ABCA3: variants seen among roughly 807,000 people sequenced by gnomAD.
The protein encoded by ABCA3 is phospholipid-transporting ATPase ABCA3.
Under a neutral mutation model 172.8 loss-of-function variants are expected in ABCA3, and 88 were observed. That is an observed-to-expected ratio of 0.51 (90% CI 0.43 to 0.61). The LOEUF (loss-of-function observed/expected upper bound fraction) is 0.61, where lower values mean the gene tolerates loss of function less well. Ranked by LOEUF, ABCA3 falls within the 20% of genes least tolerant of loss-of-function variation. ABCA3 has a pLI of 0.00. For synonymous variants in ABCA3, 1,066 were observed against 983.8 expected (o/e 1.08, Z -1.56); for missense variants, 2,164 against 2,301.0 (o/e 0.94, Z 1.22).
At chr16:2,333,657 G>T (rs2141750128) in intron 1 of ABCA3, among the ~76,000 whole-genome samples, 1 of 152,128 alleles carries the variant, frequency 6.6e-6, no homozygotes, top group Non-Finnish European at 1.5e-5. Context: ...ACTTGTACAA[G>T]GTACTAAGGA....
In ABCA3 at chr16:2,281,455, C is replaced by T. The variant is rs1413175771; in HGVS notation, c.4090G>A (p.Glu1364Lys). The change falls in exon 27 of 33, where the codon GAG (glutamate) becomes AAG (lysine). Residue 1364 changes from glutamate to lysine, a missense_variant. Physicochemically the swap from Glu to Lys is moderately conservative, Grantham distance 56. This residue lies in a region of ABCA3 where 795 missense variants were observed against 881.9 expected (regional missense o/e 0.90). Coordinates refer to ENST00000301732, the MANE Select transcript of ABCA3 (RefSeq NM_001089.3). The surrounding 1 kb of genome is among the most constrained non-coding windows in gnomAD (Gnocchi z 4.7). The stretch of plus-strand genomic sequence containing the variant: ...CTGGGGGCCAGGATGCGGGTCCTCT[C>T]GTCCGCTACATCTTGGTCCTCAGGA... Reference protein sequence around the residue: ...VLPEDQDVADERTRILAPSPD... With the variant: ...VLPEDQDVADKRTRILAPSPD... 2.5e-6 allele frequency: 4 copies of T among 1,613,576 alleles called. No individual in the cohort carries two copies. Among genetic ancestry groups the T allele is most frequent in the Non-Finnish European group, 3.4e-6 (4 of 1,180,008 alleles).
At position 2,279,898 on chromosome 16, in the gene ABCA3, C is replaced by T. The variant is rs1445855475; in HGVS notation, c.4360-768G>A. On this transcript the variant is annotated intron_variant, in intron 28 of 32. Coordinates refer to ENST00000301732, the MANE Select transcript of ABCA3 (RefSeq NM_001089.3). This position sits in a 1 kb window ranked among gnomAD's most constrained non-coding sequence, Gnocchi z 4.4. ...AGTAGCTAGGATTATAGGCACCTGC[C>T]ACCATGCCCTGCTAATTTTTGTATT... Among the ~76,000 whole-genome samples, 1 of 152,182 alleles carries T rather than the reference C, an allele frequency of 6.6e-6. No homozygotes were observed. The highest frequency in any genetic ancestry group is 1.9e-4 in the East Asian group (1 of 5,196).
At chr16:2,316,991 C>G (rs2093716930) in intron 10 of ABCA3, among the ~76,000 whole-genome samples, 2 of 152,242 alleles carry the variant, frequency 1.3e-5, no homozygotes, top group African/African-American at 4.8e-5. Flanking sequence ...GTAACTGTCA[C>G]CGCAAGGCTC....
In ABCA3 at chr16:2,288,266, C is replaced by A; in HGVS notation, c.2764G>T (p.Glu922Ter). The change falls in exon 21 of 33, where the codon GAG becomes TAG. Residue 922 changes from glutamate (E) to a stop codon, truncating the protein, a stop_gained. Transcript: ENST00000301732. LOFTEE classifies it high-confidence loss of function. Reference protein sequence around the residue: ...FLKKAAYSWREWKMVAAQVLV... With the variant: ...FLKKAAYSWR ...ACCTGTGCCGCCACCATTTTCCACTCGCGCCAGCTGTATGCGGCCTTCTTC... is the reference window on the plus strand; with the variant it reads ...ACCTGTGCCGCCACCATTTTCCACTAGCGCCAGCTGTATGCGGCCTTCTTC... The A allele has an allele frequency of 6.3e-7, 1 of 1,588,378 alleles. No homozygotes were observed. Among genetic ancestry groups the A allele is most frequent in the Non-Finnish European group, 8.6e-7 (1 of 1,167,770 alleles).
At position 2,297,642 on chromosome 16, in the gene ABCA3, G is replaced by A. The variant is rs1022440625; in HGVS notation, c.2053-103C>T. 28 of 1,588,140 alleles carry A rather than the reference G, an allele frequency of 1.8e-5. No individual in the cohort carries two copies. In the South Asian group the frequency reaches 2.1e-4, roughly 12 times the overall value. On this transcript the variant is annotated intron_variant, in intron 16 of 32. Coordinates refer to ENST00000301732, the MANE Select transcript of ABCA3 (RefSeq NM_001089.3). The surrounding 1 kb of genome is among the most constrained non-coding windows in gnomAD (Gnocchi z 5.6). Reference sequence around the variant, plus strand: ...CGAGGGGTTCGCGGAGCCGGCTTGAGTCCTCCAAGGATGGTGATGGCCTTG... The same window carrying A: ...CGAGGGGTTCGCGGAGCCGGCTTGAATCCTCCAAGGATGGTGATGGCCTTG...
intron 20 of ABCA3, among the ~76,000 whole-genome samples, chr16:2,288,897 G>A (rs1301765496): frequency 6.6e-6 from 1 of 152,012 alleles, no homozygotes; most frequent in East Asian, 1.9e-4. Flanking sequence ...GCCATCCCCT[G>A]CCCTCCCCCT....
Position 2,285,011 on chromosome 16 carries a change from A to G in ABCA3, c.3484-13T>C. 6.2e-7 allele frequency: 1 copy of G among 1,610,560 alleles called. No homozygotes were observed. The highest frequency in any genetic ancestry group is 8.5e-7 in the Non-Finnish European group (1 of 1,179,118). On this transcript the variant is annotated splice_polypyrimidine_tract_variant and intron_variant, in intron 23 of 32. Coordinates refer to ENST00000301732, the MANE Select transcript of ABCA3 (RefSeq NM_001089.3). The surrounding 1 kb of genome is among the most constrained non-coding windows in gnomAD (Gnocchi z 4.7). ...CCTTAAACACCACCTGCGGCGGCAC[A>G]GGGAGGCGCTGCTGTGCATGCCAAG...
chr16:2,337,689 G>T (rs2093754068), intron 1 of ABCA3, among the ~76,000 whole-genome samples: 1 of 152,182 alleles, frequency 6.6e-6, no homozygotes, highest in South Asian at 2.1e-4. Context: ...ACTGGCCAAG[G>T]CCAATTTATA....
intron 6 of ABCA3, 142 bp downstream of exon 6, chr16:2,324,262 C>A: frequency 7.9e-7 from 1 of 1,261,354 alleles, no homozygotes; most frequent in South Asian, 1.4e-5. Context: ...TTATCAGACC[C>A]AAAGGAGTGA....
chr16:2,289,229 G>A, intron 20 of ABCA3: 4 of 634,178 alleles, frequency 6.3e-6, no homozygotes, highest in Non-Finnish European at 1.1e-5. Flanking sequence ...CTGAGGTAGA[G>A]CATGAGAAAT....
intron 1 of ABCA3, among the ~76,000 whole-genome samples, chr16:2,331,048 G>GC (rs2093742383): frequency 6.6e-6 from 1 of 152,060 alleles, no homozygotes; most frequent in African/African-American, 2.4e-5. Context: ...TAACTTCCAA[G>GC]TCTGTCTTCT....
In ABCA3 at chr16:2,287,091, C is replaced by A; in HGVS notation, c.3005-124G>T. ...GCCAGCATCCTCTGAGCTGCCCGCC[C>A]CATCACCCTTCTCCTAAGGAGAGTA... On this transcript the variant is annotated intron_variant, in intron 21 of 32. Transcript: ENST00000301732. This position sits in a 1 kb window ranked among gnomAD's most constrained non-coding sequence, Gnocchi z 4.1. 1 of 1,083,422 alleles carries A rather than the reference C, an allele frequency of 9.2e-7. No individual in the cohort carries two copies. Among genetic ancestry groups the A allele is most frequent in the African/African-American group, 1.6e-5 (1 of 63,876 alleles). The allele number at this position is 1,083,422 out of a possible 1,614,324, so 67.1% of individuals were successfully genotyped here. A position where few individuals can be genotyped will look rare whatever the true frequency, so the allele number is the denominator to read the frequency against.
At position 2,280,115 on chromosome 16, in the gene ABCA3, ACT is replaced by A. The variant is rs145879113; in HGVS notation, c.4359+910_4359+911del. 1.1e-4 allele frequency among the ~76,000 whole-genome samples: 16 copies of A among 150,038 alleles called. No individual in the cohort carries two copies. The East Asian group carries it at 1.6e-3, about 15-fold the overall frequency. On this transcript the variant is annotated intron_variant, in intron 28 of 32. Coordinates refer to ENST00000301732, the MANE Select transcript of ABCA3 (RefSeq NM_001089.3). The stretch of plus-strand genomic sequence containing the variant: ...ACCTTTTTGGCTACTACCCCCTGCC[ACT>A]CTCTCTCTCTCTTCCTTCTGGAACT...
intron 10 of ABCA3, 29 bp from the exon 11 acceptor site, chr16:2,308,652 T>A: frequency 1.2e-6 from 2 of 1,612,446 alleles, no homozygotes; most frequent in South Asian, 2.2e-5. Context: ...CCGGGGGGCG[T>A]GAGCGTCAGT....
intron 1 of ABCA3, among the ~76,000 whole-genome samples, chr16:2,337,720 G>T (rs2093754106): frequency 6.6e-6 from 1 of 152,204 alleles, no homozygotes; most frequent in Non-Finnish European, 1.5e-5. Context: ...CCCTTGTGGG[G>T]ATGAGGTAGG....
intron 19 of ABCA3, 100 bp from the exon 20 acceptor site, chr16:2,289,720 G>A (rs1440138147): frequency 7.7e-7 from 1 of 1,306,780 alleles, no homozygotes; most frequent in Non-Finnish European, 1.1e-6. Flanking sequence ...TGTTGCCGCA[G>A]TCCTTGGCTT....
At position 2,277,606 on chromosome 16, in the gene ABCA3, G is replaced by C. The variant is rs746192378; in HGVS notation, c.4974C>G (p.Ser1658Arg). The change falls in exon 32 of 33, where the codon AGC (serine) becomes AGG (arginine). Residue 1658 changes from serine to arginine, a missense_variant. Ser to Arg is a moderately radical substitution (Grantham distance 110, BLOSUM62 -1). Transcript: ENST00000301732. This position sits in a 1 kb window ranked among gnomAD's most constrained non-coding sequence, Gnocchi z 5.3. ...CCAGGGACTGCCTCACCTTCGCCCA[G>C]CTGAGGTCACGGCCCGGCAGGTGGT... The part of the protein sequence containing the change: ...VHYHLPGRDL[S>R]WAKVFGILEK... 24 of 1,613,020 alleles carry C rather than the reference G, an allele frequency of 1.5e-5. No homozygotes were observed. Among genetic ancestry groups the C allele is most frequent in the South Asian group, 1.4e-4 (13 of 91,086 alleles).
chr16:2,336,911 T>G, intron 1 of ABCA3, among the ~76,000 whole-genome samples: 1 of 145,594 alleles, frequency 6.9e-6, no homozygotes, highest in South Asian at 2.2e-4. Context: ...CCTCTCATCC[T>G]TTTTTTTTTT....
intron 10 of ABCA3, among the ~76,000 whole-genome samples, chr16:2,313,640 C>T (rs1207048649): frequency 1.3e-5 from 2 of 149,732 alleles, no homozygotes; most frequent in Non-Finnish European, 3.0e-5. Context: ...CGTGGTGGCT[C>T]ATGCCTGTAA....
Sources: gnomAD v4.1 joint callset for allele counts (sites outside exome capture counted in the v4.1 genomes callset) on GRCh38, gnomAD v4.1.1 for gene constraint, gnomAD v4.1.1 regional missense constraint, Gnocchi (gnomAD v3.1) non-coding constraint, MANE v1.5 for transcripts, NCBI Gene and HGNC (gene_info 2026-07-23, HGNC 2026-07-21) for gene names.